RBFOX1: variants seen among roughly 807,000 people sequenced by gnomAD.
RBFOX1 encodes the protein RNA binding protein fox-1 homolog 1.
RBFOX1 carries 8 observed loss-of-function variants against 57.7 expected under a neutral mutation model. The ratio of observed to expected loss-of-function variants is 0.14; its 90% CI spans 0.08 to 0.25. The LOEUF (loss-of-function observed/expected upper bound fraction) is 0.25. Ranked by LOEUF, RBFOX1 falls within the 10% of genes least tolerant of loss-of-function variation. The pLI is 1.00. For synonymous variants in RBFOX1, 326 were observed against 222.4 expected, an observed-to-expected ratio of 1.47 and a Z score of -4.15; for missense variants, 611 against 548.5, an observed-to-expected ratio of 1.11 and a Z score of -1.14.
chr16:6,043,615 T>G (rs2095465403), intron 1 of RBFOX1, among the ~76,000 whole-genome samples: 1 of 152,100 alleles, frequency 6.6e-6, no homozygotes, highest in African/African-American at 2.4e-5. Flanking sequence ...GGCCAGAAAT[T>G]TCATGTTTCA....
At chr16:7,691,704 C>T (rs1244630089) in intron 14 of RBFOX1, among the ~76,000 whole-genome samples, 2 of 152,112 alleles carry the variant, frequency 1.3e-5, no homozygotes, top group East Asian at 1.9e-4. Flanking sequence ...AGTGGCTTTC[C>T]TGATGTCTAG....
chr16:6,557,495 TCA>T (rs1052183721), intron 2 of RBFOX1, among the ~76,000 whole-genome samples: 2 of 152,198 alleles, frequency 1.3e-5, no homozygotes, highest in African/African-American at 4.8e-5. Flanking sequence ...ACATCCTTTT[TCA>T]CAGTCTGCAG....
chr16:5,547,756 C>G (rs758437430), intron 2 of RBFOX1, among the ~76,000 whole-genome samples: 2 of 152,104 alleles, frequency 1.3e-5, no homozygotes, highest in South Asian at 4.1e-4. Context: ...CAATATGGAT[C>G]CAACTGGAGG....
intron 3 of RBFOX1, among the ~76,000 whole-genome samples, chr16:6,981,714 C>T (rs1016384585): frequency 6.6e-5 from 10 of 152,196 alleles, no homozygotes; most frequent in African/African-American, 2.4e-4. Context: ...GAGTCAGTAT[C>T]CTGAGAACAG....
At chr16:7,329,454 A>G (rs918730440) in intron 4 of RBFOX1, among the ~76,000 whole-genome samples, 1 of 152,218 alleles carries the variant, frequency 6.6e-6, no homozygotes, top group African/African-American at 2.4e-5. Context: ...TCGACCTTCT[A>G]GAGGAGGCTC....
At chr16:6,930,026 C>A (rs868377742) in intron 3 of RBFOX1, among the ~76,000 whole-genome samples, 1 of 152,132 alleles carries the variant, frequency 6.6e-6, no homozygotes, top group East Asian at 1.9e-4. Flanking sequence ...TCTCTTCTCT[C>A]CACATCCTTG....
At chr16:6,603,195 A>T (rs2097877407) in intron 2 of RBFOX1, among the ~76,000 whole-genome samples, 1 of 152,182 alleles carries the variant, frequency 6.6e-6, no homozygotes, top group Non-Finnish European at 1.5e-5. Context: ...TAAGAACAAG[A>T]TTGACCCAGC....
chr16:6,767,280 C>T (rs780386942), intron 3 of RBFOX1, among the ~76,000 whole-genome samples: 2 of 152,016 alleles, frequency 1.3e-5, no homozygotes, highest in Non-Finnish European at 2.9e-5. Context: ...CAAGGAGACT[C>T]AGTCTCAGAA....
At chr16:6,566,442 CTCT>C (rs2097267126) in intron 2 of RBFOX1, among the ~76,000 whole-genome samples, 2 of 150,914 alleles carry the variant, frequency 1.3e-5, no homozygotes, top group South Asian at 4.2e-4. Flanking sequence ...TTTTTTTCTT[CTCT>C]TCTTAGTGAG....
chr16:6,875,563 G>T (rs1315208470), intron 3 of RBFOX1, among the ~76,000 whole-genome samples: 1 of 152,216 alleles, frequency 6.6e-6, no homozygotes, highest in Non-Finnish European at 1.5e-5. Flanking sequence ...CAAGGCCGTG[G>T]TTAAGGAAAA....
At chr16:6,363,973 A>C (rs1487022429) in intron 2 of RBFOX1, among the ~76,000 whole-genome samples, 2 of 152,246 alleles carry the variant, frequency 1.3e-5, no homozygotes, top group Non-Finnish European at 2.9e-5. Flanking sequence ...GAAAGACATG[A>C]ATGTAGTTCA....
At chr16:6,738,252 G>A (rs985298294) in intron 3 of RBFOX1, among the ~76,000 whole-genome samples, 2 of 152,072 alleles carry the variant, frequency 1.3e-5, no homozygotes, top group Non-Finnish European at 1.5e-5. Context: ...AGCAAAGGAT[G>A]TGAGTCCTTT....
intron 3 of RBFOX1, among the ~76,000 whole-genome samples, chr16:5,683,009 C>T (rs2050391056): frequency 1.3e-5 from 2 of 152,176 alleles, no homozygotes; most frequent in Admixed American, 6.5e-5. Context: ...TTTGTTCATT[C>T]ACTTACAGAA....
chr16:5,379,575 C>T (rs562354995), intron 1 of RBFOX1, among the ~76,000 whole-genome samples: 2 of 152,332 alleles, frequency 1.3e-5, no homozygotes, highest in South Asian at 4.1e-4. Flanking sequence ...TAGAGCCCTT[C>T]ACTGGGCTCT....
chr16:6,480,435 A>G lies in RBFOX1; in HGVS notation c.-64+163378A>G, dbSNP rs910419124. On this transcript the variant is annotated intron_variant, in intron 2 of 15. Coordinates refer to ENST00000550418, the MANE Select transcript of RBFOX1 (RefSeq NM_018723.4). ...CAAATGGGCATAGCTATGTTTCAAT[A>G]AAACCTCATTCATGGATGCTGAAAT... 6.6e-5 allele frequency among the ~76,000 whole-genome samples: 10 copies of G among 152,358 alleles called. No individual in the cohort carries two copies. The East Asian group carries it at 1.9e-3, about 29-fold the overall frequency.
chr16:5,718,213 A>G (rs2051791066), intron 3 of RBFOX1, among the ~76,000 whole-genome samples: 1 of 152,228 alleles, frequency 6.6e-6, no homozygotes, highest in African/African-American at 2.4e-5. Context: ...GATTCAGTCT[A>G]TCTTAATAGA....
At chr16:6,890,688 C>T (rs1428072119) in intron 3 of RBFOX1, among the ~76,000 whole-genome samples, 1 of 152,144 alleles carries the variant, frequency 6.6e-6, no homozygotes, top group South Asian at 2.1e-4. Context: ...TCCCCAGTTT[C>T]CTGGGATTTC....
intron 3 of RBFOX1, among the ~76,000 whole-genome samples, chr16:5,714,947 A>G (rs145171155): frequency 6.6e-6 from 1 of 152,182 alleles, no homozygotes; most frequent in South Asian, 2.1e-4. Context: ...TGTTGGATGA[A>G]TGAGTAACTA....
chr16:6,794,841 G>C (rs925339461), intron 3 of RBFOX1, among the ~76,000 whole-genome samples: 48 of 152,106 alleles, frequency 3.2e-4, no homozygotes, highest in African/African-American at 1.1e-3. Flanking sequence ...TGCTTTCCAA[G>C]GTAATTGTCA....
Sources: allele counts gnomAD v4.1 joint callset (sites outside exome capture counted in the v4.1 genomes callset), GRCh38; gene constraint gnomAD v4.1.1; transcripts MANE v1.5; gene names NCBI Gene and HGNC (gene_info 2026-07-23, HGNC 2026-07-21).